TCF20: variants seen among roughly 807,000 people sequenced by gnomAD.
TCF20 encodes SPRE-binding protein.
TCF20 carries 3 observed loss-of-function variants against 148.6 expected under a neutral mutation model. That is an observed-to-expected ratio of 0.02 (90% CI 0.01 to 0.05). The LOEUF (loss-of-function observed/expected upper bound fraction) is 0.05, where lower values mean the gene tolerates loss of function less well. Ranked by LOEUF, TCF20 falls within the 10% of genes least tolerant of loss-of-function variation. The probability of loss-of-function intolerance (pLI) is 1.00; values close to 1 mark genes in which losing one functional copy is unlikely to be tolerated. For synonymous variants in TCF20, 1,049 were observed against 909.5 expected, an observed-to-expected ratio of 1.15 and a Z score of -2.76; for missense variants, 2,350 against 2,429.3, an observed-to-expected ratio of 0.97 and a Z score of 0.69.
rs975122916 is a variant in TCF20 at position 42,212,407 on chromosome 22, G to A, written c.2899C>T (p.Pro967Ser). ...KHESYRGNAS[P>S]GAATHDSLSD... is the part of the protein sequence containing the mutation. Reference sequence around the variant, plus strand: ...AGGGAATCATGGGTTGCTGCTCCAGGGCTGGCATTGCCGCGGTAAGACTCA... The same window carrying A: ...AGGGAATCATGGGTTGCTGCTCCAGAGCTGGCATTGCCGCGGTAAGACTCA... Residue 967 changes from proline (P) to serine (S), a missense_variant, in exon 2 of 6, where the codon CCT becomes TCT. Physicochemically the swap from Pro to Ser is moderately conservative, Grantham distance 74. This residue lies in a region of TCF20 where 1,641 missense variants were observed against 1,662.6 expected (regional missense o/e 0.99). Transcript: ENST00000677622. The A allele has an allele frequency of 1.9e-6, 3 of 1,614,224 alleles. No individual in the cohort carries two copies. Among genetic ancestry groups the A allele is most frequent in the Non-Finnish European group, 2.5e-6 (3 of 1,180,046 alleles).
At chr22:42,180,513 G>A (rs1936718623) in intron 2 of TCF20, among the ~76,000 whole-genome samples, 1 of 152,194 alleles carries the variant, frequency 6.6e-6, no homozygotes, top group East Asian at 1.9e-4. Flanking sequence ...TCAACCACAT[G>A]TGACCCTACT....
intron 1 of TCF20, among the ~76,000 whole-genome samples, chr22:42,329,696 G>C (rs1444844880): frequency 6.6e-6 from 1 of 152,224 alleles, no homozygotes; most frequent in Non-Finnish European, 1.5e-5. Context: ...CCTAGCCACA[G>C]ACGGTGGCAG....
chr22:42,247,387 C>G (rs934696306), intron 1 of TCF20, among the ~76,000 whole-genome samples: 1 of 150,148 alleles, frequency 6.7e-6, no homozygotes, highest in African/African-American at 2.5e-5. Flanking sequence ...TTGCAGTGAG[C>G]CGAGATGGTG....
At chr22:42,232,620 G>A (rs1016254997) in intron 1 of TCF20, among the ~76,000 whole-genome samples, 2 of 151,950 alleles carry the variant, frequency 1.3e-5, no homozygotes, top group African/African-American at 4.8e-5. Flanking sequence ...GAGGTCAGGA[G>A]ATCGAGACCA....
At chr22:42,301,059 G>T (rs966402793) in intron 1 of TCF20, among the ~76,000 whole-genome samples, 1 of 152,116 alleles carries the variant, frequency 6.6e-6, no homozygotes, top group African/African-American at 2.4e-5. Context: ...CCAAAGGAAG[G>T]TCCTAGGGCA....
rs919088467 is a variant in TCF20, at chr22:42,338,558, G to A, written c.-37+4921C>T. ...GGGAAAATAATTACCGAGGAGGCCC[G>A]GGAGGGAGGCGGGGAGGCTGGCGAG... On this transcript the variant is annotated intron_variant, in intron 1 of 1. Coordinates refer to the TCF20 transcript ENST00000515426. The surrounding 1 kb of genome is among the most constrained non-coding windows in gnomAD (Gnocchi z 4.0). Among the ~76,000 whole-genome samples, 3 of 152,352 alleles carry A rather than the reference G, an allele frequency of 2.0e-5. No homozygotes were observed. Among genetic ancestry groups the A allele is most frequent in the Middle Eastern group, 3.4e-3 (1 of 294 alleles).
intron 1 of TCF20, among the ~76,000 whole-genome samples, chr22:42,295,154 G>T (rs1745847008): frequency 1.3e-5 from 2 of 152,204 alleles, no homozygotes; most frequent in Non-Finnish European, 2.9e-5. Context: ...TGGTCCCTAA[G>T]CCTCCTAACC....
At chr22:42,162,914 G>C (rs1449771871) in intron 5 of TCF20, among the ~76,000 whole-genome samples, 1 of 152,202 alleles carries the variant, frequency 6.6e-6, no homozygotes, top group African/African-American at 2.4e-5. Context: ...AACACACACA[G>C]AGGCCATGGC....
intron 1 of TCF20, among the ~76,000 whole-genome samples, chr22:42,314,291 G>A (rs1233533419): frequency 6.6e-6 from 1 of 152,258 alleles, no homozygotes; most frequent in Admixed American, 6.5e-5. Context: ...AATGCGAATC[G>A]CTTCTGTCAT....
At position 42,226,613 on chromosome 22, in the gene TCF20, G is replaced by C. The variant is rs1267842668; in HGVS notation, c.-36-11272C>G. ...CCAGCTACTCAGGAGGCTGTGGCAG[G>C]AGAATCGCTTGAACACAGGAGGTGG... On this transcript the variant is annotated intron_variant, in intron 1 of 5. Coordinates refer to ENST00000677622, the MANE Select transcript of TCF20 (RefSeq NM_001378418.1). Among the ~76,000 whole-genome samples, 6 of 152,188 alleles carry C rather than the reference G, an allele frequency of 3.9e-5. No homozygotes were observed. The South Asian group carries it at 1.2e-3, about 32-fold the overall frequency.
intron 2 of TCF20, among the ~76,000 whole-genome samples, chr22:42,207,118 T>C (rs568752877): frequency 6.6e-6 from 1 of 152,150 alleles, no homozygotes; most frequent in African/African-American, 2.4e-5. Context: ...GGCTGAAAAA[T>C]AGAGCATTAG....
chr22:42,247,463 G>C (rs1411286385), intron 1 of TCF20, among the ~76,000 whole-genome samples: 1 of 144,246 alleles, frequency 6.9e-6, no homozygotes, highest in Non-Finnish European at 1.5e-5. Context: ...AAAAAGATAA[G>C]ATGGAGAACA....
chr22:42,171,069 A>C (rs1204821873), intron 3 of TCF20, among the ~76,000 whole-genome samples: 2 of 152,202 alleles, frequency 1.3e-5, no homozygotes, highest in Non-Finnish European at 2.9e-5. Flanking sequence ...AACTTGTAAC[A>C]TGATGACAGC....
At chr22:42,320,020 CT>C (rs1206641601) in intron 1 of TCF20, among the ~76,000 whole-genome samples, 1 of 152,200 alleles carries the variant, frequency 6.6e-6, no homozygotes, top group Non-Finnish European at 1.5e-5. Flanking sequence ...TGTTTTCCAT[CT>C]TCCCTCCATT....
chr22:42,225,690 T>C (rs1207856589), intron 1 of TCF20, among the ~76,000 whole-genome samples: 1 of 150,966 alleles, frequency 6.6e-6, no homozygotes, highest in East Asian at 2.0e-4. Flanking sequence ...TATCTGTTCC[T>C]ACTGACAGCA....
chr22:42,194,579 C>T (rs1937501935), intron 2 of TCF20, among the ~76,000 whole-genome samples: 1 of 149,740 alleles, frequency 6.7e-6, no homozygotes. Context: ...AATGACTCTG[C>T]TTCTGCCTGG....
intron 5 of TCF20, 133 bp downstream of exon 5, chr22:42,168,476 A>ACT: frequency 7.5e-7 from 1 of 1,334,018 alleles, no homozygotes; most frequent in South Asian, 1.5e-5. Context: ...ATGGAAGAAC[A>ACT]CTGCATCCAC....
At chr22:42,326,381 A>G (rs984579211) in intron 1 of TCF20, among the ~76,000 whole-genome samples, 1 of 151,906 alleles carries the variant, frequency 6.6e-6, no homozygotes, top group South Asian at 2.1e-4. Flanking sequence ...GCCCTGTGAC[A>G]ATGCCCCTTC....
chr22:42,291,712 C>T (rs1927136371), intron 1 of TCF20, among the ~76,000 whole-genome samples: 1 of 152,054 alleles, frequency 6.6e-6, no homozygotes, highest in South Asian at 2.1e-4. Flanking sequence ...TGGATCCTGA[C>T]CCGGCTGCCT....
Sources: gnomAD v4.1 joint callset for allele counts (sites outside exome capture counted in the v4.1 genomes callset) on GRCh38, gnomAD v4.1.1 for gene constraint, gnomAD v4.1.1 regional missense constraint, Gnocchi (gnomAD v3.1) non-coding constraint, MANE v1.5 for transcripts, NCBI Gene and HGNC (gene_info 2026-07-23, HGNC 2026-07-21) for gene names.